ATP1A2: variants seen among roughly 807,000 people sequenced by gnomAD.
ATP1A2 encodes ATPase Na+/K+ transporting subunit alpha 2.
A neutral mutation model predicts 113.1 loss-of-function variants in ATP1A2; 56 were observed. The observed-to-expected ratio is 0.49, with a 90% CI of 0.40 to 0.62. The LOEUF (loss-of-function observed/expected upper bound fraction) is 0.62, where lower values mean the gene tolerates loss of function less well. ATP1A2 is among the 20% of genes least tolerant of loss of function. The probability of loss-of-function intolerance (pLI) is 0.00; values close to 1 mark genes in which losing one functional copy is unlikely to be tolerated. For synonymous variants in ATP1A2, 490 were observed against 526.8 expected (o/e 0.93, Z 0.96); for missense variants, 712 against 1,357.8 (o/e 0.52, Z 7.47).
chr1:160,120,776 CT>C (rs1159473916), intron 1 of ATP1A2, 129 bp from the exon 2 acceptor site: 8 of 915,886 alleles, frequency 8.7e-6, no homozygotes, highest in Admixed American at 2.1e-5. Context: ...TCCATCCCCC[CT>C]ATCTCCCCCA....
chr1:160,122,656 G>T (rs568409587), intron 3 of ATP1A2, among the ~76,000 whole-genome samples: 17 of 152,236 alleles, frequency 1.1e-4, no homozygotes, highest in African/African-American at 4.1e-4. Context: ...TGACACTGAC[G>T]GTCAATAATG....
chr1:160,119,221 A>G (rs1040053379), intron 1 of ATP1A2, among the ~76,000 whole-genome samples: 3 of 145,798 alleles, frequency 2.1e-5, no homozygotes, highest in African/African-American at 7.6e-5. Context: ...TATTTTTTAA[A>G]ATGCAAACAA....
Position 160,137,123 on chromosome 1 carries a change from A to G in ATP1A2, c.2840+92A>G, listed in dbSNP as rs1449106433. The G allele has an allele frequency of 2.5e-6, 4 of 1,598,222 alleles. No homozygotes were observed. The South Asian group carries it at 4.4e-5, about 18-fold the overall frequency. ...CAAGCTTCCAACTCAGCCCTGGACC[A>G]GAGCTGTAAGGAGGGCATCAGATTT... On this transcript the variant is annotated intron_variant, in intron 20 of 22. Coordinates refer to ENST00000361216, the MANE Select transcript of ATP1A2 (RefSeq NM_000702.4).
chr1:160,118,993 T>A (rs1006336030), intron 1 of ATP1A2, among the ~76,000 whole-genome samples: 1 of 151,898 alleles, frequency 6.6e-6, no homozygotes, highest in Non-Finnish European at 1.5e-5. Context: ...CCCAAACCCA[T>A]AGAATGTACA....
intron 7 of ATP1A2, among the ~76,000 whole-genome samples, chr1:160,125,960 G>A (rs1388390732): frequency 2.0e-5 from 3 of 152,198 alleles, no homozygotes; most frequent in Non-Finnish European, 4.4e-5. Context: ...AGAAGGAGTA[G>A]GAGGGAAGAG....
intron 6 of ATP1A2, among the ~76,000 whole-genome samples, chr1:160,124,839 C>A (rs1370005285): frequency 2.0e-5 from 3 of 152,146 alleles, no homozygotes; most frequent in African/African-American, 7.2e-5. Flanking sequence ...TAGTGTCTCC[C>A]CCTGTGGTTG....
At position 160,122,829 on chromosome 1, in the gene ATP1A2, A is replaced by G. The variant is rs1475932; in HGVS notation, c.178-384A>G. Among the ~76,000 whole-genome samples, 1,414 of 152,320 alleles carry G rather than the reference A, an allele frequency of 9.3e-3. 16 individuals are homozygous for G. The highest frequency in any genetic ancestry group is 0.032 in the African/African-American group (1,346 of 41,556). Reference sequence around the variant, plus strand: ...ATAGCAAGAATCCATCTCTTAAAAAAAAATCTAGGACTCTCCTAGAATCCT... The same window carrying G: ...ATAGCAAGAATCCATCTCTTAAAAAGAAATCTAGGACTCTCCTAGAATCCT... On this transcript the variant is annotated intron_variant, in intron 3 of 22. Coordinates refer to ENST00000361216, the MANE Select transcript of ATP1A2 (RefSeq NM_000702.4).
At chr1:160,125,015 C>T in intron 6 of ATP1A2, 121 bp from the exon 7 acceptor site, 1 of 804,256 alleles carries the variant, frequency 1.2e-6, no homozygotes, top group Non-Finnish European at 2.1e-6. Context: ...GTGATGAGGG[C>T]AAGTGTGACT....
chr1:160,123,440 G>C, intron 4 of ATP1A2, 24 bp downstream of exon 4: 3 of 1,614,006 alleles, frequency 1.9e-6, no homozygotes, highest in South Asian at 1.1e-5. Context: ...CCCGACCCGG[G>C]AACAGCCCGT....
intron 1 of ATP1A2, among the ~76,000 whole-genome samples, chr1:160,120,328 T>C (rs540929123): frequency 3.3e-5 from 5 of 152,100 alleles, no homozygotes; most frequent in Non-Finnish European, 5.9e-5. Context: ...AGGCCTGCTC[T>C]TTCCATCCCT....
chr1:160,140,186 C>T (rs754066014), intron 22 of ATP1A2: 50 of 600,080 alleles, frequency 8.3e-5, no homozygotes, highest in African/African-American at 3.9e-4. Flanking sequence ...TTCTAAACCC[C>T]GCCTAACTCA....
At position 160,133,333 on chromosome 1, in the gene ATP1A2, G is replaced by A. The variant is rs761022104; in HGVS notation, c.1828-1151G>A. On this transcript the variant is annotated intron_variant, in intron 13 of 22. Coordinates refer to ENST00000361216, the MANE Select transcript of ATP1A2 (RefSeq NM_000702.4). The stretch of plus-strand genomic sequence containing the variant: ...CTGTGGCCTTTGGGTGGCAGTTTCA[G>A]TGAAGTGGTGGGAGTGGAAGATAAG... Among the ~76,000 whole-genome samples, 46 of 152,130 alleles carry A rather than the reference G, an allele frequency of 3.0e-4. 3 individuals carry two copies. The highest frequency in any genetic ancestry group is 2.6e-4 in the Admixed American group (4 of 15,276).
Position 160,120,939 on chromosome 1 carries a change from G to A in ATP1A2, c.46G>A (p.Ala16Thr), listed in dbSNP as rs754418656. ...TGAGTACTCACCTGCCGCCACCACG[G>A]CAGAGAATGGGGGCGGCAAGAAGAA... is the stretch of plus-strand genomic sequence containing the variant. ...GREYSPAATTAENGGGKKKQK... is the reference protein window; with the variant it reads ...GREYSPAATTTENGGGKKKQK... The change falls in exon 2 of 23, where the codon GCA becomes ACA. Residue 16 changes from alanine (A) to threonine (T), a missense_variant. Physicochemically the swap from Ala to Thr is moderately conservative, Grantham distance 58. Coordinates refer to ENST00000361216, the MANE Select transcript of ATP1A2 (RefSeq NM_000702.4). 2 of 1,609,026 alleles carry A rather than the reference G, an allele frequency of 1.2e-6. No individual in the cohort carries two copies. Among genetic ancestry groups the A allele is most frequent in the African/African-American group, 2.7e-5 (2 of 74,800 alleles).
At chr1:160,130,706 C>T in intron 13 of ATP1A2, 109 bp downstream of exon 13, 1 of 1,459,102 alleles carries the variant, frequency 6.9e-7, no homozygotes, top group Non-Finnish European at 9.4e-7. Flanking sequence ...GCCTCCTTCC[C>T]ACTGACTCAG....
intron 10 of ATP1A2, 25 bp from the exon 11 acceptor site, chr1:160,129,241 A>G: frequency 1.2e-6 from 2 of 1,614,002 alleles, no homozygotes; most frequent in Admixed American, 1.7e-5. Flanking sequence ...CCATGCTGAC[A>G]CTGAATTCTT....
chr1:160,125,481 T>A, intron 7 of ATP1A2: 2 of 555,100 alleles, frequency 3.6e-6, no homozygotes, highest in South Asian at 4.0e-5. Context: ...GAGATCTCTG[T>A]TCTGTCCACC....
chr1:160,130,117 C>A lies in ATP1A2; in HGVS notation c.1477C>A (p.Arg493=), dbSNP rs534696343. Residue 493 remains arginine (R), a synonymous_variant, in exon 12 of 23, where the codon CGA becomes AGA. Coordinates refer to ENST00000361216, the MANE Select transcript of ATP1A2 (RefSeq NM_000702.4). The part of the protein sequence containing the change: ...TNKYQLSIHE[R]EDSPQSHVLV... The stretch of plus-strand genomic sequence containing the variant: ...GTCTCTCCAGCTGTCTATCCACGAG[C>A]GAGAAGACAGCCCCCAGAGCCACGT... The A allele has an allele frequency of 2.5e-6, 4 of 1,614,190 alleles. No homozygotes were observed. Among genetic ancestry groups the A allele is most frequent in the South Asian group, 2.2e-5 (2 of 91,086 alleles).
intron 1 of ATP1A2, among the ~76,000 whole-genome samples, chr1:160,117,712 C>T (rs528153984): frequency 9.2e-5 from 14 of 152,312 alleles, no homozygotes; most frequent in African/African-American, 3.4e-4. Flanking sequence ...GCAGGCTTCA[C>T]TGTCCCCCCA....
intron 3 of ATP1A2, among the ~76,000 whole-genome samples, chr1:160,122,224 T>C (rs780167305): frequency 6.6e-6 from 1 of 152,200 alleles, no homozygotes; most frequent in Non-Finnish European, 1.5e-5. Context: ...TATGCCCCTA[T>C]TCCTTTACCT....
Sources: gnomAD v4.1 joint callset for allele counts (sites outside exome capture counted in the v4.1 genomes callset) on GRCh38, gnomAD v4.1.1 for gene constraint, MANE v1.5 for transcripts, NCBI Gene and HGNC (gene_info 2026-07-23, HGNC 2026-07-21) for gene names.